Variants in TMEM117 observed in about 807,000 individuals in gnomAD.
TMEM117 encodes the protein transmembrane protein 117.
A neutral mutation model predicts 52.4 loss-of-function variants in TMEM117; 27 were observed. The observed-to-expected ratio is 0.51, with a 90% confidence interval of 0.38 to 0.71. The LOEUF (loss-of-function observed/expected upper bound fraction) is 0.71, where lower values mean the gene tolerates loss of function less well. Ranked by LOEUF, TMEM117 falls within the 30% of genes least tolerant of loss-of-function variation. TMEM117 has a pLI of 0.00. For synonymous variants in TMEM117, 215 were observed against 206.3 expected (o/e 1.04, Z -0.36); for missense variants, 556 against 630.5 (o/e 0.88, Z 1.26).
chr12:43,837,494 G>A (rs1447033794), intron 1 of TMEM117, among the ~76,000 whole-genome samples: 2 of 152,048 alleles, frequency 1.3e-5, no homozygotes, highest in East Asian at 3.9e-4. Flanking sequence ...TTACAGGCGC[G>A]CGCCACCATG....
chr12:44,090,848 T>G (rs1411809360), intron 3 of TMEM117, among the ~76,000 whole-genome samples: 1 of 118,182 alleles, frequency 8.5e-6, no homozygotes, highest in Non-Finnish European at 1.8e-5. Flanking sequence ...TGTTTTTTTT[T>G]GTTTTTTTTT....
intron 3 of TMEM117, among the ~76,000 whole-genome samples, chr12:44,053,180 C>T (rs532525486): frequency 4.6e-5 from 7 of 152,272 alleles, no homozygotes; most frequent in Middle Eastern, 3.4e-3. Flanking sequence ...GCTGGACATC[C>T]TAGGTCCCCA....
At chr12:44,313,884 C>T (rs1098498) in intron 6 of TMEM117, among the ~76,000 whole-genome samples, 104,575 of 151,920 alleles carry the variant, frequency 0.69, 38,048 homozygotes, top group African/African-American at 0.92. Flanking sequence ...GAGATTATGT[C>T]CTTGATTTGG....
At chr12:43,899,405 T>C (rs537929661) in intron 2 of TMEM117, among the ~76,000 whole-genome samples, 79 of 152,308 alleles carry the variant, frequency 5.2e-4, no homozygotes, top group African/African-American at 1.9e-3. Flanking sequence ...TAGTATGTGG[T>C]TGGGGGTTTT....
intron 3 of TMEM117, among the ~76,000 whole-genome samples, chr12:44,012,123 T>C (rs1439832681): frequency 1.3e-5 from 2 of 152,230 alleles, no homozygotes; most frequent in African/African-American, 4.8e-5. Flanking sequence ...CAGTCTCTTT[T>C]TATTGCGTGG....
intron 3 of TMEM117, among the ~76,000 whole-genome samples, chr12:44,058,603 A>T (rs1947092740): frequency 6.6e-6 from 1 of 152,214 alleles, no homozygotes; most frequent in Non-Finnish European, 1.5e-5. Context: ...TTAAGAAAAT[A>T]TCCATACAGA....
intron 2 of TMEM117, among the ~76,000 whole-genome samples, chr12:43,932,440 G>A (rs1592373361): frequency 7.2e-6 from 1 of 139,550 alleles, no homozygotes; most frequent in Admixed American, 7.5e-5. Flanking sequence ...CTGTTCTTTT[G>A]ATTCTACTTT....
At chr12:44,137,966 T>C (rs1460223840) in intron 3 of TMEM117, among the ~76,000 whole-genome samples, 1 of 152,248 alleles carries the variant, frequency 6.6e-6, no homozygotes, top group East Asian at 1.9e-4. Context: ...TATTATGAAA[T>C]AGTTGTACTA....
At chr12:44,050,426 C>T (rs1946952422) in intron 3 of TMEM117, among the ~76,000 whole-genome samples, 1 of 152,200 alleles carries the variant, frequency 6.6e-6, no homozygotes, top group African/African-American at 2.4e-5. Context: ...ATCCGCCTGC[C>T]TCAGCCTCCC....
intron 3 of TMEM117, among the ~76,000 whole-genome samples, chr12:44,056,702 A>G (rs1235181041): frequency 6.6e-6 from 1 of 152,144 alleles, no homozygotes; most frequent in Non-Finnish European, 1.5e-5. Flanking sequence ...CCTGATAACA[A>G]TTACTACTAT....
rs558485660 is a variant in TMEM117 at position 44,046,417 on chromosome 12, C to T, written c.411-97108C>T. 7.2e-5 allele frequency among the ~76,000 whole-genome samples: 11 copies of T among 152,268 alleles called. No homozygotes were observed. The South Asian group carries it at 2.3e-3, about 32-fold the overall frequency. The stretch of plus-strand genomic sequence containing the variant: ...ACTCCATATTGGAGGTTAGGAAGAG[C>T]ATGCATGGAATATAGGTGATCCATT... On this transcript the variant is annotated intron_variant, in intron 3 of 7. Coordinates refer to ENST00000266534, the MANE Select transcript of TMEM117 (RefSeq NM_032256.3).
chr12:44,338,261 A>G (rs1272294813), intron 6 of TMEM117, among the ~76,000 whole-genome samples: 1 of 152,098 alleles, frequency 6.6e-6, no homozygotes, highest in African/African-American at 2.4e-5. Flanking sequence ...TTATACCTAA[A>G]AATGTTAATA....
chr12:44,124,774 G>GT (rs1948294374), intron 3 of TMEM117, among the ~76,000 whole-genome samples: 2 of 152,178 alleles, frequency 1.3e-5, no homozygotes. Flanking sequence ...TGGTGGATAA[G>GT]TTTTTTATGT....
At chr12:44,349,859 C>G (rs1310043023) in intron 6 of TMEM117, among the ~76,000 whole-genome samples, 1 of 152,016 alleles carries the variant, frequency 6.6e-6, no homozygotes, top group African/African-American at 2.4e-5. Context: ...CTAGTCCTTG[C>G]CTTCAAGTTA....
chr12:43,989,758 T>C (rs1945908152), intron 3 of TMEM117, among the ~76,000 whole-genome samples: 1 of 152,094 alleles, frequency 6.6e-6, no homozygotes, highest in Non-Finnish European at 1.5e-5. Flanking sequence ...ATAATTATTA[T>C]TAATTATTGT....
chr12:43,921,108 G>T (rs1592364990), intron 2 of TMEM117, among the ~76,000 whole-genome samples: 1 of 152,006 alleles, frequency 6.6e-6, no homozygotes, highest in East Asian at 1.9e-4. Context: ...TCTTATCTGA[G>T]CCCATGGCAT....
intron 4 of TMEM117, among the ~76,000 whole-genome samples, chr12:44,208,725 G>GTTTTTTTTTT (rs5797892): frequency 5.8e-5 from 4 of 68,828 alleles, no homozygotes; most frequent in African/African-American, 1.5e-4. Flanking sequence ...CAGAAAGAAT[G>GTTTTTTTTTT]TTTTTTTTTT....
chr12:44,147,848 C>CT (rs770884981), intron 4 of TMEM117, among the ~76,000 whole-genome samples: 31 of 151,258 alleles, frequency 2.0e-4, no homozygotes, highest in Non-Finnish European at 4.4e-5. Context: ...AGCAGAATGG[C>CT]TTGAACCTGG....
At chr12:44,190,221 G>A (rs1949333194) in intron 4 of TMEM117, among the ~76,000 whole-genome samples, 1 of 152,136 alleles carries the variant, frequency 6.6e-6, no homozygotes, top group Non-Finnish European at 1.5e-5. Flanking sequence ...AGGCAACTTT[G>A]GATTTGGAGA....
Sources: allele counts gnomAD v4.1 joint callset (sites outside exome capture counted in the v4.1 genomes callset), GRCh38; gene constraint gnomAD v4.1.1; transcripts MANE v1.5; gene names NCBI Gene and HGNC (gene_info 2026-07-23, HGNC 2026-07-21).